The following SLC25A21 variants were observed in gnomAD, a reference collection of about 807,000 sequenced individuals.
The protein encoded by SLC25A21 is solute carrier family 25 member 21, also known as mitochondrial 2-oxodicarboxylate carrier.
Under a neutral mutation model 43.8 loss-of-function variants are expected in SLC25A21, and 47 were observed. The ratio of observed to expected loss-of-function variants is 1.07; its 90% CI spans 0.85 to 1.37. SLC25A21 has a LOEUF of 1.37. Among genes scored for constraint, SLC25A21 ranks in the 40% most tolerant of loss-of-function variants. The probability of loss-of-function intolerance (pLI) is 0.00; values close to 1 mark genes in which losing one functional copy is unlikely to be tolerated. For missense variants in SLC25A21, 352 were observed against 350.2 expected (o/e 1.00, Z -0.04); for synonymous variants, 131 against 121.3 (o/e 1.08, Z -0.52).
At chr14:37,149,428 G>A (rs1342580471) in intron 1 of SLC25A21, among the ~76,000 whole-genome samples, 3 of 151,818 alleles carry the variant, frequency 2.0e-5, no homozygotes, top group Non-Finnish European at 4.4e-5. Context: ...GTTTTCTTAG[G>A]GCAACTAAAA....
chr14:36,968,297 A>G (rs752314339), intron 1 of SLC25A21, among the ~76,000 whole-genome samples: 13 of 152,218 alleles, frequency 8.5e-5, no homozygotes, highest in Admixed American at 5.2e-4. Flanking sequence ...AGCACAGCTA[A>G]GCCCCTCTAC....
At chr14:36,801,785 G>C (rs951484518) in intron 3 of SLC25A21, among the ~76,000 whole-genome samples, 1 of 152,078 alleles carries the variant, frequency 6.6e-6, no homozygotes, top group Admixed American at 6.5e-5. Context: ...GGAGTATTTG[G>C]GTTTTATGTA....
intron 1 of SLC25A21, among the ~76,000 whole-genome samples, chr14:36,885,346 T>G (rs1014618449): frequency 1.3e-5 from 2 of 152,224 alleles, no homozygotes; most frequent in African/African-American, 2.4e-5. Context: ...GCCAGTACCA[T>G]GCTGTTTTGA....
intron 6 of SLC25A21, among the ~76,000 whole-genome samples, chr14:36,720,538 C>T (rs1594521460): frequency 6.6e-6 from 1 of 152,342 alleles, no homozygotes; most frequent in East Asian, 1.9e-4. Context: ...AAGGTGTTGT[C>T]AAGCCAGTTG....
At chr14:36,976,781 A>G (rs984766616) in intron 1 of SLC25A21, among the ~76,000 whole-genome samples, 1 of 152,168 alleles carries the variant, frequency 6.6e-6, no homozygotes, top group Non-Finnish European at 1.5e-5. Context: ...CACCTCAAGC[A>G]TGCTCCTCTT....
At chr14:36,853,541 C>A (rs548043239) in intron 2 of SLC25A21, among the ~76,000 whole-genome samples, 4 of 152,160 alleles carry the variant, frequency 2.6e-5, no homozygotes, top group Admixed American at 2.6e-4. Context: ...GCTACCAGCC[C>A]GGGTCATCAG....
chr14:37,046,245 T>A (rs1035775688), intron 1 of SLC25A21, among the ~76,000 whole-genome samples: 1 of 152,128 alleles, frequency 6.6e-6, no homozygotes, highest in African/African-American at 2.4e-5. Context: ...CCAGATCTAG[T>A]GCTATGAGGG....
intron 3 of SLC25A21, among the ~76,000 whole-genome samples, chr14:36,806,223 C>CTTTTA (rs1200585318): frequency 1.3e-5 from 2 of 151,804 alleles, no homozygotes; most frequent in Non-Finnish European, 1.5e-5. Flanking sequence ...TTTATTTTTA[C>CTTTTA]TTTTATTTTA....
At chr14:36,789,868 T>A (rs1448235884) in intron 3 of SLC25A21, among the ~76,000 whole-genome samples, 1 of 108,150 alleles carries the variant, frequency 9.2e-6, no homozygotes, top group East Asian at 2.8e-4. Flanking sequence ...TATATAAAAA[T>A]ATATTATATA....
chr14:37,147,387 C>T (rs1351904877), intron 1 of SLC25A21, among the ~76,000 whole-genome samples: 1 of 152,024 alleles, frequency 6.6e-6, no homozygotes, highest in Non-Finnish European at 1.5e-5. Flanking sequence ...ATTCAAATGG[C>T]CCTCCTGGTC....
At chr14:37,157,548 T>C (rs1278930781) in intron 1 of SLC25A21, among the ~76,000 whole-genome samples, 2 of 151,798 alleles carry the variant, frequency 1.3e-5, no homozygotes, top group Non-Finnish European at 2.9e-5. Flanking sequence ...CAAATGAAAA[T>C]GGAAACACAA....
intron 1 of SLC25A21, among the ~76,000 whole-genome samples, chr14:36,948,923 T>C (rs555513277): frequency 1.3e-5 from 2 of 152,362 alleles, no homozygotes; most frequent in South Asian, 4.1e-4. Context: ...TTGTCATATA[T>C]GGTTTGCATT....
intron 1 of SLC25A21, among the ~76,000 whole-genome samples, chr14:36,925,583 A>ACAC (rs1892107868): frequency 6.6e-6 from 1 of 152,220 alleles, no homozygotes; most frequent in African/African-American, 2.4e-5. Context: ...ACGGTGGCTC[A>ACAC]CACCTGTAAT....
At chr14:36,796,440 A>C (rs1887676418) in intron 3 of SLC25A21, among the ~76,000 whole-genome samples, 1 of 150,866 alleles carries the variant, frequency 6.6e-6, no homozygotes, top group African/African-American at 2.4e-5. Flanking sequence ...AAAAGTACCA[A>C]ATCTATCTTT....
chr14:36,771,509 G>A (rs941928164), intron 3 of SLC25A21, among the ~76,000 whole-genome samples: 2 of 152,142 alleles, frequency 1.3e-5, no homozygotes, highest in Non-Finnish European at 1.5e-5. Flanking sequence ...CCACGGAAGA[G>A]ATGGGTTCAT....
chr14:36,885,030 T>G (rs1174855770), intron 1 of SLC25A21, among the ~76,000 whole-genome samples: 1 of 152,160 alleles, frequency 6.6e-6, no homozygotes, highest in Admixed American at 6.6e-5. Flanking sequence ...TGGGGATATA[T>G]CCCAGAAATC....
intron 1 of SLC25A21, among the ~76,000 whole-genome samples, chr14:37,074,704 G>A (rs1337290192): frequency 1.3e-5 from 2 of 152,078 alleles, no homozygotes; most frequent in Non-Finnish European, 2.9e-5. Context: ...GTAGTGGTGT[G>A]CACCTGTAAT....
chr14:37,054,504 A>G (rs1961778149), intron 1 of SLC25A21, among the ~76,000 whole-genome samples: 1 of 152,214 alleles, frequency 6.6e-6, no homozygotes, highest in Admixed American at 6.5e-5. Context: ...TTCTGCAATA[A>G]CAGAAACCTA....
chr14:36,894,057 T>C (rs1218368002), intron 1 of SLC25A21, among the ~76,000 whole-genome samples: 1 of 152,204 alleles, frequency 6.6e-6, no homozygotes, highest in Non-Finnish European at 1.5e-5. Context: ...TTTAAAGTAG[T>C]TTTTTCCAAT....
Sources: gnomAD v4.1 joint callset for allele counts (sites outside exome capture counted in the v4.1 genomes callset) on GRCh38, gnomAD v4.1.1 for gene constraint, MANE v1.5 for transcripts, NCBI Gene and HGNC (gene_info 2026-07-23, HGNC 2026-07-21) for gene names.